Variants in DNAH11 observed in about 807,000 individuals in gnomAD.
The protein encoded by DNAH11 is axonemal beta dynein heavy chain 11.
Under a neutral mutation model 526.0 loss-of-function variants are expected in DNAH11, and 442 were observed. The ratio of observed to expected loss-of-function variants is 0.84; its 90% CI spans 0.78 to 0.91. The LOEUF is 0.91. Among genes scored for constraint, DNAH11 ranks in the 40% least tolerant of loss-of-function variants. DNAH11 has a pLI of 0.00. For synonymous variants in DNAH11, 2,461 were observed against 1,935.9 expected (o/e 1.27, Z -7.12); for missense variants, 6,989 against 5,448.7 (o/e 1.28, Z -8.90).
At chr7:21,641,150 G>C (rs1787110032) in intron 28 of DNAH11, among the ~76,000 whole-genome samples, 1 of 152,154 alleles carries the variant, frequency 6.6e-6, no homozygotes, top group African/African-American at 2.4e-5. Context: ...TTCTACCTAG[G>C]CAGATGTCCA....
intron 11 of DNAH11, among the ~76,000 whole-genome samples, chr7:21,588,946 C>A (rs1784574244): frequency 6.6e-6 from 1 of 152,024 alleles, no homozygotes; most frequent in Non-Finnish European, 1.5e-5. Flanking sequence ...TTTTATAATG[C>A]AATCTTTGTA....
chr7:21,619,538 C>G (rs906357412), intron 24 of DNAH11, among the ~76,000 whole-genome samples: 1 of 152,130 alleles, frequency 6.6e-6, no homozygotes, highest in Non-Finnish European at 1.5e-5. Context: ...GTAATAGTAT[C>G]TCTATTTTAC....
In DNAH11 at chr7:21,553,070, ATTTTTTTT is replaced by A. The variant is rs35121910; in HGVS notation, c.496-5715_496-5708del. Among the ~76,000 whole-genome samples the A allele has an allele frequency of 4.8e-3, 323 of 66,796 alleles. 2 individuals are homozygous for A. The highest frequency in any genetic ancestry group is 0.019 in the African/African-American group (262 of 13,742). 43.8% of individuals were successfully genotyped at this position (66,796 alleles called of 152,430 possible). On this transcript the variant is annotated intron_variant, in intron 2 of 81. Coordinates refer to ENST00000409508, the MANE Select transcript of DNAH11 (RefSeq NM_001277115.2). ...ATTTTCTCCCTTCAGTATAAATGGG[ATTTTTTTT>A]TTTTTTTTTTTTTTTTGCAAACTAC...
At chr7:21,738,199 G>A (rs1400355862) in intron 46 of DNAH11, among the ~76,000 whole-genome samples, 2 of 152,060 alleles carry the variant, frequency 1.3e-5, no homozygotes, top group Non-Finnish European at 2.9e-5. Context: ...ATGTATTCAC[G>A]GATAGTGACT....
intron 23 of DNAH11, 70 bp downstream of exon 23, chr7:21,617,847 C>G: frequency 6.9e-7 from 1 of 1,440,120 alleles, no homozygotes; most frequent in Non-Finnish European, 9.3e-7. Context: ...TTTGCATCAT[C>G]TGAGATGAAG....
In DNAH11 at chr7:21,591,461, C is replaced by T; in HGVS notation, c.2551C>T (p.Pro851Ser). 4.3e-6 allele frequency: 7 copies of T among 1,613,868 alleles called. No homozygotes were observed. Among genetic ancestry groups the T allele is most frequent in the Non-Finnish European group, 5.9e-6 (7 of 1,179,830 alleles). Residue 851 changes from proline (P) to serine (S), a missense_variant, in exon 14 of 82, where the codon CCC becomes TCC. Pro to Ser is a moderately conservative substitution (Grantham distance 74). Transcript: ENST00000409508. Reference protein sequence around the residue: ...MRGWARCVLPPRREHRREAAF... With the variant: ...MRGWARCVLPSRREHRREAAF... ...GGGCTGGGCCAGGTGCGTGCTACCTCCCAGGAGAGAGCACAGACGAGAGGC... is the reference window on the plus strand; with the variant it reads ...GGGCTGGGCCAGGTGCGTGCTACCTTCCAGGAGAGAGCACAGACGAGAGGC...
chr7:21,810,004 A>C (rs1415033007), intron 63 of DNAH11, among the ~76,000 whole-genome samples: 1 of 152,222 alleles, frequency 6.6e-6, no homozygotes, highest in Non-Finnish European at 1.5e-5. Flanking sequence ...GTGATAACTG[A>C]AATCAAACTC....
intron 22 of DNAH11, among the ~76,000 whole-genome samples, chr7:21,616,799 C>T (rs1785802389): frequency 4.6e-5 from 7 of 152,134 alleles, no homozygotes; most frequent in Admixed American, 4.6e-4. Context: ...TAATTTGGTA[C>T]TTATTGGAAT....
chr7:21,838,270 C>T (rs376072011), intron 65 of DNAH11, among the ~76,000 whole-genome samples: 17 of 152,302 alleles, frequency 1.1e-4, no homozygotes, highest in African/African-American at 4.1e-4. Flanking sequence ...AAAAGACAAG[C>T]GTGAACCTCT....
At chr7:21,847,578 G>A (rs957429897) in intron 66 of DNAH11, among the ~76,000 whole-genome samples, 25 of 152,034 alleles carry the variant, frequency 1.6e-4, no homozygotes, top group African/African-American at 5.6e-4. Context: ...AAACCTTTTT[G>A]GTGTGTTACT....
At chr7:21,627,237 T>C (rs1230925721) in intron 25 of DNAH11, among the ~76,000 whole-genome samples, 1 of 152,188 alleles carries the variant, frequency 6.6e-6, no homozygotes, top group Non-Finnish European at 1.5e-5. Context: ...ATTCACTTCG[T>C]TAATTGTTTC....
Position 21,729,017 on chromosome 7 carries a change from G to A in DNAH11, c.7440+3033G>A, listed in dbSNP as rs187525545. Among the ~76,000 whole-genome samples, 4 of 152,352 alleles carry A rather than the reference G, an allele frequency of 2.6e-5. No individual in the cohort carries two copies. In the East Asian group the frequency reaches 5.8e-4, roughly 22 times the overall value. The stretch of plus-strand genomic sequence containing the variant: ...CACTGGGCGGTAGCATCCTGGCTCA[G>A]TGACAGAAGTGGTGACCCCATCCCC... On this transcript the variant is annotated intron_variant, in intron 45 of 81. Coordinates refer to ENST00000409508, the MANE Select transcript of DNAH11 (RefSeq NM_001277115.2).
rs540124309 is a variant in DNAH11 at position 21,549,814 on chromosome 7, C to A, written c.495+4665C>A. Among the ~76,000 whole-genome samples the A allele has an allele frequency of 2.0e-5, 3 of 152,282 alleles. No homozygotes were observed. The East Asian group carries it at 5.8e-4, about 29-fold the overall frequency. ...GGGGCAGGGTGATATTCTACTATAACCTGTATTTGGTTCAGGGAAAAGATA... is the reference window on the plus strand; with the variant it reads ...GGGGCAGGGTGATATTCTACTATAAACTGTATTTGGTTCAGGGAAAAGATA... On this transcript the variant is annotated intron_variant, in intron 2 of 81. Transcript: ENST00000409508.
intron 58 of DNAH11, among the ~76,000 whole-genome samples, chr7:21,786,336 G>A (rs1788189765): frequency 7.2e-6 from 1 of 138,368 alleles, no homozygotes; most frequent in African/African-American, 2.6e-5. Context: ...GTGTATCCTG[G>A]CCTCAGTGAG....
chr7:21,732,098 A>C (rs1417091621), intron 45 of DNAH11, among the ~76,000 whole-genome samples: 1 of 152,204 alleles, frequency 6.6e-6, no homozygotes, highest in Non-Finnish European at 1.5e-5. Flanking sequence ...CAAGTGTATT[A>C]GTTTGCTAGG....
At chr7:21,655,741 G>A (rs972353277) in intron 28 of DNAH11, 91 bp from the exon 29 acceptor site, 21 of 1,310,462 alleles carry the variant, frequency 1.6e-5, no homozygotes, top group African/African-American at 8.8e-5. Context: ...ACTCCATAAC[G>A]TTTCATGACT....
chr7:21,807,948 GTTC>G lies in DNAH11; in HGVS notation c.10236_10238del (p.Leu3413del), dbSNP rs1204353754. 1 of 1,609,514 alleles carries G rather than the reference GTTC, an allele frequency of 6.2e-7. No individual in the cohort carries two copies. Among genetic ancestry groups the G allele is most frequent in the Non-Finnish European group, 8.5e-7 (1 of 1,177,086 alleles). ...TCAAGAGAAGACACTCTGTGGAGAT[GTTC>G]TTCTCACGGCGGCATTTGTGTCTTA... On this transcript the variant is annotated inframe_deletion, in exon 63 of 82. Transcript: ENST00000409508.
intron 54 of DNAH11, among the ~76,000 whole-genome samples, chr7:21,758,344 A>G (rs1404238477): frequency 6.6e-6 from 1 of 152,184 alleles, no homozygotes; most frequent in East Asian, 1.9e-4. Context: ...AAACAGCAAA[A>G]CCTCAAAAGA....
chr7:21,789,781 C>CTTTCTTTCTTTCTTTCTTTCTTT (rs1788361052), intron 61 of DNAH11, among the ~76,000 whole-genome samples: 4 of 77,142 alleles, frequency 5.2e-5, no homozygotes, highest in South Asian at 4.6e-4. Context: ...TTCTTTCTTT[C>CTTTCTTTCTTTCTTTCTTTCTTT]TTTCTTTCTT....
Sources: gnomAD v4.1 joint callset for allele counts (sites outside exome capture counted in the v4.1 genomes callset) on GRCh38, gnomAD v4.1.1 for gene constraint, MANE v1.5 for transcripts, NCBI Gene and HGNC (gene_info 2026-07-23, HGNC 2026-07-21) for gene names.